The following SLC9C2 variants were observed in gnomAD, a reference collection of about 807,000 sequenced individuals.
SLC9C2 encodes sodium/hydrogen exchanger 11.
Under a neutral mutation model 140.2 loss-of-function variants are expected in SLC9C2, and 75 were observed. The ratio of observed to expected loss-of-function variants is 0.53; its 90% CI spans 0.44 to 0.65. The LOEUF (loss-of-function observed/expected upper bound fraction) is 0.65, where lower values mean the gene tolerates loss of function less well. Among genes scored for constraint, SLC9C2 ranks in the 30% least tolerant of loss-of-function variants. The pLI is 0.00. For missense variants in SLC9C2, 1,074 were observed against 1,331.8 expected, an observed-to-expected ratio of 0.81 and a Z score of 3.01; for synonymous variants, 375 against 420.9, an observed-to-expected ratio of 0.89 and a Z score of 1.34.
intron 2 of SLC9C2, 58 bp downstream of exon 2, chr1:173,601,592 G>A: frequency 6.3e-7 from 1 of 1,576,198 alleles, no homozygotes; most frequent in Non-Finnish European, 8.6e-7. Flanking sequence ...ATGGCTTTCT[G>A]CATTGACAAA....
chr1:173,503,288 T>C lies in SLC9C2; in HGVS notation c.3349A>G (p.Ile1117Val). 7 of 1,613,856 alleles carry C rather than the reference T, an allele frequency of 4.3e-6. No homozygotes were observed. The highest frequency in any genetic ancestry group is 5.1e-6 in the Non-Finnish European group (6 of 1,179,842). Residue 1117 changes from isoleucine to valine, a missense_variant, in exon 27 of 28, where the codon ATA (isoleucine) becomes GTA (valine). Physicochemically the swap from Ile to Val is conservative, Grantham distance 29. Coordinates refer to ENST00000367714, the MANE Select transcript of SLC9C2 (RefSeq NM_178527.4). Reference protein sequence around the residue: ...NTVFEQPGKNINGRQKMS With the variant: ...NTVFEQPGKNVNGRQKMS Reference sequence around the variant, plus strand: ...TACCTCATCTTTTGTCTTCCATTTATATTCTTTCCTGGTTGTTCAAAGACC... The same window carrying C: ...TACCTCATCTTTTGTCTTCCATTTACATTCTTTCCTGGTTGTTCAAAGACC...
chr1:173,582,168 A>C (rs562959255), intron 6 of SLC9C2, among the ~76,000 whole-genome samples, 160 bp from the exon 7 acceptor site: 12 of 152,250 alleles, frequency 7.9e-5, no homozygotes, highest in African/African-American at 2.2e-4. Context: ...AAGTCTGGTA[A>C]AAAAACCTCT....
intron 23 of SLC9C2, among the ~76,000 whole-genome samples, chr1:173,516,199 C>T (rs997934779): frequency 1.3e-5 from 2 of 152,194 alleles, no homozygotes; most frequent in African/African-American, 4.8e-5. Flanking sequence ...GTCTTTGGCT[C>T]ATTTCTATTT....
intron 10 of SLC9C2, 51 bp from the exon 11 acceptor site, chr1:173,554,865 C>T (rs1424063260): frequency 1.9e-6 from 2 of 1,079,820 alleles, no homozygotes; most frequent in Non-Finnish European, 2.8e-6. Context: ...AATAAGTTCT[C>T]CAAAAGCAAT....
chr1:173,529,251 TC>T (rs1661403696), intron 18 of SLC9C2, among the ~76,000 whole-genome samples: 1 of 152,042 alleles, frequency 6.6e-6, no homozygotes, highest in South Asian at 2.1e-4. Context: ...AATGCGAGTC[TC>T]CTCTACATTA....
intron 11 of SLC9C2, among the ~76,000 whole-genome samples, chr1:173,552,265 G>A (rs954059233): frequency 6.6e-6 from 1 of 152,210 alleles, no homozygotes; most frequent in Admixed American, 6.5e-5. Flanking sequence ...GCAAAGTGAA[G>A]AGCAAGTGCT....
At chr1:173,564,967 T>C (rs1430658679) in intron 9 of SLC9C2, among the ~76,000 whole-genome samples, 30 of 131,386 alleles carry the variant, frequency 2.3e-4, no homozygotes, top group African/African-American at 8.0e-4. Flanking sequence ...TTTTTCTTTT[T>C]CTTTTTTTTT....
At chr1:173,594,374 G>A (rs369393556) in intron 4 of SLC9C2, among the ~76,000 whole-genome samples, 1 of 152,136 alleles carries the variant, frequency 6.6e-6, no homozygotes, top group East Asian at 1.9e-4. Flanking sequence ...ACCCTGATCT[G>A]ATCATTATAC....
intron 3 of SLC9C2, 35 bp from the exon 4 acceptor site, chr1:173,598,067 C>T (rs1423995844): frequency 1.3e-6 from 2 of 1,553,126 alleles, no homozygotes; most frequent in South Asian, 1.2e-5. Context: ...AATTAGTTTG[C>T]TACCATTTCC....
At position 173,508,621 on chromosome 1, in the gene SLC9C2, C is replaced by G. The variant is rs905497562; in HGVS notation, c.3039+947G>C. Among the ~76,000 whole-genome samples the G allele has an allele frequency of 1.8e-4, 27 of 152,332 alleles. 2 individuals carry two copies. Among genetic ancestry groups the G allele is most frequent in the African/African-American group, 6.3e-4 (26 of 41,578 alleles). The stretch of plus-strand genomic sequence containing the variant: ...TTGCAATAAAGTAAAAGAAACCTGA[C>G]TGGCTTGTATGACACACTCATTTTT... On this transcript the variant is annotated intron_variant, in intron 24 of 27. Transcript: ENST00000367714.
chr1:173,557,783 G>A (rs932118471), intron 9 of SLC9C2, among the ~76,000 whole-genome samples: 4 of 152,076 alleles, frequency 2.6e-5, no homozygotes, highest in African/African-American at 9.7e-5. Context: ...TTGGAATTGG[G>A]TAGTAAATGC....
At chr1:173,529,071 A>C (rs1336372890) in intron 18 of SLC9C2, among the ~76,000 whole-genome samples, 1 of 152,224 alleles carries the variant, frequency 6.6e-6, no homozygotes, top group African/African-American at 2.4e-5. Context: ...TGGAGATCAA[A>C]AAGTAATTGT....
intron 13 of SLC9C2, among the ~76,000 whole-genome samples, chr1:173,538,236 G>A (rs78617501): frequency 0.014 from 2,184 of 152,274 alleles, 47 homozygotes; most frequent in African/African-American, 0.05. Flanking sequence ...ATTTCCCTAC[G>A]TTGTAAGCCT....
At chr1:173,544,130 A>G (rs1662653071) in intron 13 of SLC9C2, among the ~76,000 whole-genome samples, 1 of 152,220 alleles carries the variant, frequency 6.6e-6, no homozygotes, top group Admixed American at 6.5e-5. Context: ...TAATATCAAG[A>G]ATCTCCAAAG....
intron 18 of SLC9C2, among the ~76,000 whole-genome samples, chr1:173,528,359 C>T (rs1431864353): frequency 6.6e-6 from 1 of 152,128 alleles, no homozygotes; most frequent in African/African-American, 2.4e-5. Flanking sequence ...GCATCTTCTC[C>T]CAAACTCCTG....
At chr1:173,509,358 T>A (rs1659875427) in intron 24 of SLC9C2, among the ~76,000 whole-genome samples, 1 of 151,834 alleles carries the variant, frequency 6.6e-6, no homozygotes, top group South Asian at 2.1e-4. Context: ...GGCAGGAGAA[T>A]TGCTTCAACC....
intron 11 of SLC9C2, among the ~76,000 whole-genome samples, chr1:173,550,956 C>T (rs1277059962): frequency 1.4e-5 from 2 of 146,056 alleles, no homozygotes; most frequent in Non-Finnish European, 3.0e-5. Flanking sequence ...GGGAGCAAGT[C>T]CATAACTGGG....
chr1:173,598,060 T>C, intron 3 of SLC9C2, 28 bp from the exon 4 acceptor site: 1 of 1,559,844 alleles, frequency 6.4e-7, no homozygotes, highest in Non-Finnish European at 8.7e-7. Context: ...AACAAGAAAT[T>C]AGTTTGCTAC....
intron 23 of SLC9C2, among the ~76,000 whole-genome samples, chr1:173,515,557 C>T (rs1660359066): frequency 6.6e-6 from 1 of 152,144 alleles, no homozygotes; most frequent in African/African-American, 2.4e-5. Context: ...TTAGCAGCTC[C>T]TGTAACCTTT....
Sources: gnomAD v4.1 joint callset for allele counts (sites outside exome capture counted in the v4.1 genomes callset) on GRCh38, gnomAD v4.1.1 for gene constraint, MANE v1.5 for transcripts, NCBI Gene and HGNC (gene_info 2026-07-23, HGNC 2026-07-21) for gene names.